TTC28: variants seen among roughly 807,000 people sequenced by gnomAD.
The protein encoded by TTC28 is tetratricopeptide repeat protein 28.
A neutral mutation model predicts 198.0 loss-of-function variants in TTC28; 61 were observed. That is an observed-to-expected ratio of 0.31 (90% confidence interval 0.25 to 0.38). The LOEUF (loss-of-function observed/expected upper bound fraction) is 0.38, where lower values mean the gene tolerates loss of function less well. Among genes scored for constraint, TTC28 ranks in the 10% least tolerant of loss-of-function variants. TTC28 has a pLI of 1.00. For synonymous variants in TTC28, 1,171 were observed against 1,297.8 expected (o/e 0.90, Z 2.10); for missense variants, 2,678 against 3,164.0 (o/e 0.85, Z 3.69).
In TTC28 at chr22:28,209,542, G is replaced by C. The variant is rs150660727; in HGVS notation, c.934-45943C>G. ...GCCCACTGAGCCTCACTCACTGCTA[G>C]CACAGCAGTCTGAGATTGAACTGCA... On this transcript the variant is annotated intron_variant, in intron 5 of 22. Coordinates refer to ENST00000397906, the MANE Select transcript of TTC28 (RefSeq NM_001145418.2). 7.8e-3 allele frequency among the ~76,000 whole-genome samples: 1,184 copies of C among 152,290 alleles called. 25 individuals are homozygous for C. The highest frequency in any genetic ancestry group is 0.026 in the African/African-American group (1,091 of 41,572).
intron 17 of TTC28, 120 bp from the exon 18 acceptor site, chr22:27,993,638 C>T: frequency 1.0e-6 from 1 of 992,876 alleles, no homozygotes; most frequent in South Asian, 1.7e-5. Context: ...CCCCACATAG[C>T]CCACGTGGCC....
At chr22:28,588,252 AC>A (rs2050356790) in intron 2 of TTC28, among the ~76,000 whole-genome samples, 1 of 152,194 alleles carries the variant, frequency 6.6e-6, no homozygotes, top group South Asian at 2.1e-4. Context: ...AATTAAACAT[AC>A]TTTCCGTCAT....
chr22:28,577,468 T>C (rs1188529053), intron 2 of TTC28, among the ~76,000 whole-genome samples: 4 of 152,242 alleles, frequency 2.6e-5, no homozygotes, highest in East Asian at 1.9e-4. Flanking sequence ...GTTCTGTAAA[T>C]ACCTATTAGG....
At chr22:28,335,371 G>GT (rs1042493126) in intron 2 of TTC28, among the ~76,000 whole-genome samples, 135 of 152,282 alleles carry the variant, frequency 8.9e-4, no homozygotes, top group Middle Eastern at 3.4e-3. Context: ...CTTTAAAGTA[G>GT]TTTTTTCCAA....
chr22:28,354,547 A>T (rs568408576), intron 2 of TTC28, among the ~76,000 whole-genome samples: 1 of 152,276 alleles, frequency 6.6e-6, no homozygotes, highest in Admixed American at 6.5e-5. Context: ...GTCAGTATTT[A>T]ATGACTAGAG....
At chr22:28,049,276 A>C (rs1036025063) in intron 12 of TTC28, among the ~76,000 whole-genome samples, 1 of 152,168 alleles carries the variant, frequency 6.6e-6, no homozygotes, top group South Asian at 2.1e-4. Context: ...TTTAAATCCC[A>C]CCATACAGGT....
chr22:28,350,827 T>C (rs188831747), intron 2 of TTC28, among the ~76,000 whole-genome samples: 9 of 152,242 alleles, frequency 5.9e-5, no homozygotes, highest in Admixed American at 1.3e-4. Flanking sequence ...TATGCACACA[T>C]AGAAAACCCA....
At chr22:28,608,544 T>G (rs1601617573) in intron 2 of TTC28, among the ~76,000 whole-genome samples, 1 of 152,214 alleles carries the variant, frequency 6.6e-6, no homozygotes, top group Non-Finnish European at 1.5e-5. Flanking sequence ...GATAATGAGA[T>G]GTCCCTAGGG....
intron 2 of TTC28, among the ~76,000 whole-genome samples, chr22:28,530,702 G>A (rs920554765): frequency 1.3e-5 from 2 of 152,222 alleles, no homozygotes; most frequent in Admixed American, 6.5e-5. Flanking sequence ...CAGACTAACA[G>A]CAGATGTCTC....
At chr22:28,340,348 G>A (rs967399613) in intron 2 of TTC28, among the ~76,000 whole-genome samples, 1 of 151,700 alleles carries the variant, frequency 6.6e-6, no homozygotes, top group African/African-American at 2.4e-5. Flanking sequence ...AACTGCTAAG[G>A]CATACCAAAC....
At chr22:28,641,777 G>A (rs1007207766) in intron 1 of TTC28, among the ~76,000 whole-genome samples, 4 of 152,062 alleles carry the variant, frequency 2.6e-5, no homozygotes, top group Non-Finnish European at 5.9e-5. Context: ...CAGAAGCAGA[G>A]GAATGCAGGA....
At chr22:28,433,820 C>A (rs1230115554) in intron 2 of TTC28, among the ~76,000 whole-genome samples, 2 of 152,082 alleles carry the variant, frequency 1.3e-5, no homozygotes, top group African/African-American at 4.8e-5. Context: ...AAAAAAAAGG[C>A]AAGTCAGATA....
At chr22:28,544,113 C>T (rs879661925) in intron 2 of TTC28, among the ~76,000 whole-genome samples, 22 of 152,058 alleles carry the variant, frequency 1.4e-4, no homozygotes, top group Admixed American at 1.2e-3. Context: ...CCCAGCTGCT[C>T]GGGAGGCTGA....
chr22:28,571,990 A>T (rs1413125395), intron 2 of TTC28, among the ~76,000 whole-genome samples: 1 of 151,626 alleles, frequency 6.6e-6, no homozygotes, highest in Non-Finnish European at 1.5e-5. Context: ...AAAACCGATA[A>T]TGTATACTCT....
chr22:28,380,612 A>G (rs1005567148), intron 2 of TTC28, among the ~76,000 whole-genome samples: 2 of 152,306 alleles, frequency 1.3e-5, no homozygotes, highest in East Asian at 1.9e-4. Context: ...ATCAATTTCC[A>G]TAAGAAAAAA....
chr22:28,474,373 C>T (rs1402926442), intron 2 of TTC28, among the ~76,000 whole-genome samples: 1 of 152,072 alleles, frequency 6.6e-6, no homozygotes, highest in African/African-American at 2.4e-5. Flanking sequence ...ACCTCTGGAA[C>T]CTGAGATGAA....
At chr22:28,158,496 T>C (rs1288136971) in intron 6 of TTC28, among the ~76,000 whole-genome samples, 1 of 152,148 alleles carries the variant, frequency 6.6e-6, no homozygotes, top group African/African-American at 2.4e-5. Flanking sequence ...ATTTGAATCA[T>C]TACCTGATTT....
At chr22:28,506,916 C>T (rs2048621164) in intron 2 of TTC28, among the ~76,000 whole-genome samples, 1 of 152,170 alleles carries the variant, frequency 6.6e-6, no homozygotes, top group African/African-American at 2.4e-5. Flanking sequence ...GGTCAGCAAC[C>T]TCAAAAATTG....
chr22:28,403,356 A>G (rs1367958948), intron 2 of TTC28, among the ~76,000 whole-genome samples: 2 of 152,188 alleles, frequency 1.3e-5, no homozygotes, highest in African/African-American at 4.8e-5. Flanking sequence ...CAGAATATTA[A>G]TAATACTGAT....
Sources: gnomAD v4.1 joint callset for allele counts (sites outside exome capture counted in the v4.1 genomes callset) on GRCh38, gnomAD v4.1.1 for gene constraint, MANE v1.5 for transcripts, NCBI Gene and HGNC (gene_info 2026-07-23, HGNC 2026-07-21) for gene names.